Variants in USH2A observed in about 807,000 individuals in gnomAD.
USH2A encodes the protein usherin.
Under a neutral mutation model 538.9 loss-of-function variants are expected in USH2A, and 443 were observed. The ratio of observed to expected loss-of-function variants is 0.82; its 90% CI spans 0.76 to 0.89. The LOEUF (loss-of-function observed/expected upper bound fraction) is 0.89, where lower values mean the gene tolerates loss of function less well. Among genes scored for constraint, USH2A ranks in the 40% least tolerant of loss-of-function variants. The pLI, the probability that USH2A is intolerant of heterozygous loss-of-function variation, is 0.00. For synonymous variants in USH2A, 2,413 were observed against 2,273.5 expected, an observed-to-expected ratio of 1.06 and a Z score of -1.75; for missense variants, 6,633 against 6,324.8, an observed-to-expected ratio of 1.05 and a Z score of -1.65.
chr1:215,918,134 A>T (rs1471557535), intron 38 of USH2A, among the ~76,000 whole-genome samples: 4 of 152,164 alleles, frequency 2.6e-5, no homozygotes, highest in Non-Finnish European at 5.9e-5. Context: ...TAATGATTGA[A>T]GAATCAGAGC....
rs372817698 is a variant in USH2A, at chr1:215,934,698, G to A, written c.7218C>T (p.Thr2406=). 1 of 1,612,594 alleles carries A rather than the reference G, an allele frequency of 6.2e-7. No individual in the cohort carries two copies. The highest frequency in any genetic ancestry group is 1.3e-5 in the African/African-American group (1 of 74,774). ...AAATATTCACTTGTACAGTATAGTT[G>A]GTAAAAGGAACCAGCCCATCGATGA... ...WVLIDGLVPF[T]NYTVQVNISN... is the part of the protein sequence containing the mutation. Residue 2406 remains threonine (T), a synonymous_variant, in exon 38 of 72, where the codon ACC becomes ACT. Transcript: ENST00000307340.
At chr1:216,031,632 C>T (rs1669128470) in intron 32 of USH2A, among the ~76,000 whole-genome samples, 1 of 152,136 alleles carries the variant, frequency 6.6e-6, no homozygotes, top group Non-Finnish European at 1.5e-5. Context: ...ATGATATGTT[C>T]CAACTATGTG....
rs1010839762 is a variant in USH2A, at chr1:216,054,697, T to C, written c.6050-6050A>G. On this transcript the variant is annotated intron_variant, in intron 30 of 71. Coordinates refer to ENST00000307340, the MANE Select transcript of USH2A (RefSeq NM_206933.4). ...ACCCCCAGCTGCCAACCAAGGTGTT[T>C]GGCCGGCATCCACTGTAATCTGTTC... Among the ~76,000 whole-genome samples the C allele has an allele frequency of 2.6e-5, 4 of 152,094 alleles. No individual in the cohort carries two copies. In the South Asian group the frequency reaches 8.3e-4, roughly 32 times the overall value.
At position 216,247,232 on chromosome 1, in the gene USH2A, G is replaced by A. The variant is rs1370448980; in HGVS notation, c.2168-6C>T. On this transcript the variant is annotated splice_polypyrimidine_tract_variant and splice_region_variant and intron_variant, in intron 12 of 71. Coordinates refer to ENST00000307340, the MANE Select transcript of USH2A (RefSeq NM_206933.4). Reference sequence around the variant, plus strand: ...GCAATGATCACACCTAAGCCCTAAAGATAAAATATATTTAAAAGGTGAGGA... The same window carrying A: ...GCAATGATCACACCTAAGCCCTAAAAATAAAATATATTTAAAAGGTGAGGA... 4 of 1,613,532 alleles carry A rather than the reference G, an allele frequency of 2.5e-6. No individual in the cohort carries two copies. The highest frequency in any genetic ancestry group is 3.4e-6 in the Non-Finnish European group (4 of 1,179,714).
intron 35 of USH2A, among the ~76,000 whole-genome samples, chr1:215,981,451 A>G (rs1667750862): frequency 1.3e-5 from 2 of 152,176 alleles, no homozygotes; most frequent in South Asian, 2.1e-4. Context: ...AACTAATAAT[A>G]CTACTCACTG....
chr1:215,839,934 G>A (rs1016342954), intron 46 of USH2A, among the ~76,000 whole-genome samples: 4 of 151,976 alleles, frequency 2.6e-5, no homozygotes, highest in Admixed American at 1.3e-4. Flanking sequence ...TAGGCAGGCG[G>A]ATCACCTGAG....
intron 30 of USH2A, among the ~76,000 whole-genome samples, chr1:216,066,981 A>G (rs1001064664): frequency 4.6e-5 from 7 of 152,194 alleles, no homozygotes; most frequent in Non-Finnish European, 1.0e-4. Flanking sequence ...TTATATCATC[A>G]TTGTCAGGAA....
chr1:216,160,343 C>T (rs1013781484), intron 21 of USH2A, among the ~76,000 whole-genome samples: 5 of 152,010 alleles, frequency 3.3e-5, no homozygotes, highest in Admixed American at 2.0e-4. Context: ...TGTATTAAGG[C>T]ATTATTATCA....
intron 21 of USH2A, among the ~76,000 whole-genome samples, chr1:216,128,964 T>C (rs1161567115): frequency 2.6e-5 from 4 of 152,062 alleles, no homozygotes; most frequent in Non-Finnish European, 5.9e-5. Context: ...CTCCATGAGA[T>C]CAATTTTTTT....
Position 215,622,942 on chromosome 1 carries a change from A to G in USH2A, c.*2839T>C, listed in dbSNP as rs1260154815. 6.6e-6 allele frequency: 1 copy of G among 152,140 alleles called. No homozygotes were observed. The highest frequency in any genetic ancestry group is 1.5e-5 in the Non-Finnish European group (1 of 68,006). The allele number at this position is 152,140 out of a possible 1,614,324, so 9.4% of individuals were successfully genotyped here. A position where few individuals can be genotyped will look rare whatever the true frequency, so the allele number is the denominator to read the frequency against. On this transcript the variant is annotated 3_prime_UTR_variant, in exon 72 of 72. Transcript: ENST00000307340. Reference sequence around the variant, plus strand: ...GCAAACCATCTTTAGATTAGTTTACATGATATTTGTGCATTGGAAACCAAC... The same window carrying G: ...GCAAACCATCTTTAGATTAGTTTACGTGATATTTGTGCATTGGAAACCAAC...
chr1:216,377,804 ATAAAAAG>A (rs1183343627), intron 3 of USH2A, among the ~76,000 whole-genome samples: 1 of 24,948 alleles, frequency 4.0e-5, no homozygotes, highest in Non-Finnish European at 1.2e-4. Context: ...AAGGAAAGAA[ATAAAAAG>A]AAAGAAAGAA....
chr1:216,159,153 T>G (rs575041519), intron 21 of USH2A, among the ~76,000 whole-genome samples: 15 of 152,268 alleles, frequency 9.9e-5, no homozygotes, highest in Non-Finnish European at 1.9e-4. Flanking sequence ...GATGGTTTAC[T>G]TCTTCTTTGA....
chr1:215,803,312 G>A (rs1338382024), intron 49 of USH2A, among the ~76,000 whole-genome samples: 1 of 152,096 alleles, frequency 6.6e-6, no homozygotes, highest in Non-Finnish European at 1.5e-5. Context: ...GAAATAAAAG[G>A]TATTCAATTA....
intron 12 of USH2A, among the ~76,000 whole-genome samples, chr1:216,248,289 G>T (rs984158759): frequency 1.3e-5 from 2 of 151,930 alleles, no homozygotes; most frequent in African/African-American, 4.8e-5. Flanking sequence ...TATTCTAAAA[G>T]ATAAAAGGGT....
At chr1:216,019,362 A>T (rs1160450136) in intron 32 of USH2A, among the ~76,000 whole-genome samples, 1 of 152,190 alleles carries the variant, frequency 6.6e-6, no homozygotes, top group Admixed American at 6.6e-5. Context: ...ACTAAAAACC[A>T]TTCTTTGGGG....
At chr1:215,850,590 A>T (rs747995729) in intron 44 of USH2A, among the ~76,000 whole-genome samples, 10 of 152,162 alleles carry the variant, frequency 6.6e-5, no homozygotes, top group Admixed American at 3.3e-4. Context: ...CAACATAATA[A>T]TAGCAGGGGA....
intron 41 of USH2A, among the ~76,000 whole-genome samples, chr1:215,882,100 A>C (rs1027659657): frequency 2.0e-5 from 3 of 152,194 alleles, no homozygotes; most frequent in Admixed American, 2.0e-4. Flanking sequence ...CTTCATGAAT[A>C]AGAGCATTTA....
chr1:216,005,812 T>C (rs997050637), intron 32 of USH2A, among the ~76,000 whole-genome samples: 9 of 152,250 alleles, frequency 5.9e-5, no homozygotes, highest in Middle Eastern at 3.4e-3. Context: ...CAGGAGATAG[T>C]GGTAAACCAA....
intron 47 of USH2A, among the ~76,000 whole-genome samples, chr1:215,836,308 C>T (rs1663479049): frequency 6.7e-6 from 1 of 149,204 alleles, no homozygotes; most frequent in South Asian, 2.1e-4. Flanking sequence ...TATGTTCTTG[C>T]ACATCTAAAC....
Sources: allele counts gnomAD v4.1 joint callset (sites outside exome capture counted in the v4.1 genomes callset), GRCh38; gene constraint gnomAD v4.1.1; transcripts MANE v1.5; gene names NCBI Gene and HGNC (gene_info 2026-07-23, HGNC 2026-07-21).